RIN2: variants seen among roughly 807,000 people sequenced by gnomAD.
The protein encoded by RIN2 is Ras and Rab interactor 2.
In RIN2, 36 loss-of-function variants were observed where a neutral mutation model predicts 78.0. The observed-to-expected ratio is 0.46, with a 90% CI of 0.35 to 0.61. The LOEUF (loss-of-function observed/expected upper bound fraction) is 0.61, where lower values mean the gene tolerates loss of function less well. RIN2 is among the 20% of genes least tolerant of loss of function. RIN2 has a pLI of 0.00. For synonymous variants in RIN2, 466 were observed against 466.8 expected, an observed-to-expected ratio of 1.00 and a Z score of 0.02; for missense variants, 1,087 against 1,159.7, an observed-to-expected ratio of 0.94 and a Z score of 0.91.
At chr20:19,870,610 G>A (rs556163799) in intron 2 of RIN2, among the ~76,000 whole-genome samples, 3 of 152,274 alleles carry the variant, frequency 2.0e-5, no homozygotes, top group Admixed American at 2.0e-4. Context: ...TCGCACCACT[G>A]CACTCCAGCC....
At chr20:19,848,806 G>A (rs1014505889) in intron 2 of RIN2, among the ~76,000 whole-genome samples, 4 of 152,100 alleles carry the variant, frequency 2.6e-5, no homozygotes, top group Admixed American at 6.6e-5. Flanking sequence ...ATTCTAGCCT[G>A]ACATAGAACA....
chr20:19,864,316 C>A (rs751417941), intron 2 of RIN2, among the ~76,000 whole-genome samples: 8 of 152,174 alleles, frequency 5.3e-5, no homozygotes, highest in Non-Finnish European at 1.0e-4. Context: ...CCCCACAGGG[C>A]ACAAGCTTTT....
chr20:19,869,795 T>TATTTATTG, intron 2 of RIN2, among the ~76,000 whole-genome samples: 1 of 143,104 alleles, frequency 7.0e-6, no homozygotes, highest in East Asian at 2.1e-4. Flanking sequence ...TGGCTAATTT[T>TATTTATTG]ATTTATTTAT....
At position 19,975,911 on chromosome 20, in the gene RIN2, C is replaced by T. The variant is rs560264652; in HGVS notation, c.1762+124C>T. 153 of 929,940 alleles carry T rather than the reference C, an allele frequency of 1.6e-4. No individual in the cohort carries two copies. In the African/African-American group the frequency reaches 2.4e-3, roughly 14 times the overall value. The allele number at this position is 929,940 out of a possible 1,614,324, so 57.6% of individuals were successfully genotyped here. Reference sequence around the variant, plus strand: ...AAAACAACACCCAGCTCCACCTTCTCTCCCGGTTTGAATGGAAAAATCAGT... The same window carrying T: ...AAAACAACACCCAGCTCCACCTTCTTTCCCGGTTTGAATGGAAAAATCAGT... On this transcript the variant is annotated intron_variant, in intron 9 of 12. Transcript: ENST00000255006. This position sits in a 1 kb window ranked among gnomAD's most constrained non-coding sequence, Gnocchi z 4.9.
rs397755566 is a variant in RIN2, at chr20:19,848,672, T to TC, written c.-36-40893dup. Among the ~76,000 whole-genome samples, 18 of 151,912 alleles carry TC rather than the reference T, an allele frequency of 1.2e-4. No homozygotes were observed. The East Asian group carries it at 3.5e-3, about 29-fold the overall frequency. On this transcript the variant is annotated intron_variant, in intron 2 of 12. Transcript: ENST00000255006. ...GTTTAAGAATGAAACAGTTTTTTTT[T>TC]CACAGTACATAGCAGTTATTTATTT...
At chr20:19,938,157 C>T (rs2146137547) in intron 4 of RIN2, among the ~76,000 whole-genome samples, 1 of 152,304 alleles carries the variant, frequency 6.6e-6, no homozygotes, top group Non-Finnish European at 1.5e-5. Context: ...CCCTGAACTC[C>T]AGCCCTGGAG....
At position 19,847,132 on chromosome 20, in the gene RIN2, G is replaced by C. The variant is rs73605542; in HGVS notation, c.-36-42434G>C. ...TCAACATTGTTTTGTCACTGAATAG[G>C]ATAATGGCACAGCTGAGTTGCTGAA... On this transcript the variant is annotated intron_variant, in intron 2 of 12. Transcript: ENST00000255006. Among the ~76,000 whole-genome samples, 8 of 152,280 alleles carry C rather than the reference G, an allele frequency of 5.3e-5. No individual in the cohort carries two copies. In the East Asian group the frequency reaches 1.5e-3, roughly 29 times the overall value.
intron 9 of RIN2, among the ~76,000 whole-genome samples, chr20:19,988,081 T>A (rs919057980): frequency 2.0e-5 from 3 of 152,196 alleles, no homozygotes; most frequent in Non-Finnish European, 4.4e-5. Flanking sequence ...TGATCCAGCG[T>A]CAGGAATTCC....
rs576206199 is a variant in RIN2, at chr20:19,914,494, G to A, written c.58-20605G>A. Among the ~76,000 whole-genome samples, 9 of 152,188 alleles carry A rather than the reference G, an allele frequency of 5.9e-5. 1 individual carries two copies. The highest frequency in any genetic ancestry group is 1.3e-4 in the Non-Finnish European group (9 of 68,040). ...TTTGCATTAAACAGTTGCTGCTCTC[G>A]TGTTTGAAGCTGGGCAGCTGAATTA... On this transcript the variant is annotated intron_variant, in intron 3 of 12. Coordinates refer to ENST00000255006, the MANE Select transcript of RIN2 (RefSeq NM_018993.4).
intron 2 of RIN2, among the ~76,000 whole-genome samples, chr20:19,857,193 C>G (rs2037195000): frequency 6.6e-6 from 1 of 152,060 alleles, no homozygotes; most frequent in African/African-American, 2.4e-5. Context: ...ATTAGTTTTG[C>G]CTGTTATTGA....
intron 2 of RIN2, among the ~76,000 whole-genome samples, chr20:19,811,128 T>C (rs2035586940): frequency 6.6e-6 from 1 of 152,026 alleles, no homozygotes; most frequent in South Asian, 2.1e-4. Context: ...TGGTGGTTTA[T>C]TTTGGTCCCC....
intron 10 of RIN2, 51 bp downstream of exon 10, chr20:19,990,362 G>T: frequency 6.5e-7 from 1 of 1,534,764 alleles, no homozygotes; most frequent in Non-Finnish European, 8.8e-7. Context: ...CCGGGCCGGG[G>T]ACAGGCCTCT....
chr20:19,762,827 G>A (rs558509507), intron 1 of RIN2, among the ~76,000 whole-genome samples: 3 of 152,048 alleles, frequency 2.0e-5, no homozygotes, highest in African/African-American at 2.4e-5. Context: ...GCAGTGGTGC[G>A]ATCTCGGCTC....
chr20:19,772,246 C>T (rs1181028105), intron 1 of RIN2, among the ~76,000 whole-genome samples: 1 of 152,178 alleles, frequency 6.6e-6, no homozygotes, highest in East Asian at 1.9e-4. Flanking sequence ...CCAGCTCCCA[C>T]ATCTTTTCTC....
chr20:19,803,791 A>G (rs770224431), intron 2 of RIN2, among the ~76,000 whole-genome samples: 2 of 152,138 alleles, frequency 1.3e-5, no homozygotes, highest in Non-Finnish European at 2.9e-5. Flanking sequence ...TTTGGGCAGT[A>G]TGGCCATTTT....
At chr20:19,968,905 G>C (rs958222491) in intron 7 of RIN2, among the ~76,000 whole-genome samples, 1 of 152,074 alleles carries the variant, frequency 6.6e-6, no homozygotes, top group African/African-American at 2.4e-5. Context: ...TACAGACACA[G>C]CCATCCCCTG....
At chr20:19,884,575 T>A (rs1471227858) in intron 2 of RIN2, among the ~76,000 whole-genome samples, 3 of 152,214 alleles carry the variant, frequency 2.0e-5, no homozygotes, top group African/African-American at 4.8e-5. Context: ...AATTTTTTTT[T>A]AAAATGACTG....
At chr20:19,842,968 C>G (rs2036629839) in intron 2 of RIN2, among the ~76,000 whole-genome samples, 1 of 151,956 alleles carries the variant, frequency 6.6e-6, no homozygotes, top group Non-Finnish European at 1.5e-5. Context: ...GATGCCAACT[C>G]TCATGAATGA....
At chr20:19,809,353 A>G (rs2035514244) in intron 2 of RIN2, 1 of 151,864 alleles carries the variant, frequency 6.6e-6, no homozygotes, top group Admixed American at 6.6e-5. Context: ...GAAGCGACTG[A>G]CCTCCCCGGT....
Sources: gnomAD v4.1 joint callset for allele counts (sites outside exome capture counted in the v4.1 genomes callset) on GRCh38, gnomAD v4.1.1 for gene constraint, Gnocchi (gnomAD v3.1) non-coding constraint, MANE v1.5 for transcripts, NCBI Gene and HGNC (gene_info 2026-07-23, HGNC 2026-07-21) for gene names.